Variants in MRTFA observed in about 807,000 individuals in gnomAD.
MRTFA encodes the protein myocardin-related transcription factor A.
MRTFA carries 20 observed loss-of-function variants against 83.5 expected under a neutral mutation model. The observed-to-expected ratio is 0.24, with a 90% CI of 0.17 to 0.35. The LOEUF (loss-of-function observed/expected upper bound fraction) is 0.35. Among genes scored for constraint, MRTFA ranks in the 10% least tolerant of loss-of-function variants. The probability of loss-of-function intolerance (pLI) is 1.00; values close to 1 mark genes in which losing one functional copy is unlikely to be tolerated. For synonymous variants in MRTFA, 659 were observed against 541.2 expected (o/e 1.22, Z -3.02); for missense variants, 1,200 against 1,224.7 (o/e 0.98, Z 0.30).
intron 1 of MRTFA, among the ~76,000 whole-genome samples, chr22:40,636,269 G>A (rs1028649472): frequency 6.6e-6 from 1 of 151,912 alleles, no homozygotes; most frequent in Non-Finnish European, 1.5e-5. Flanking sequence ...GCCCGGCCCG[G>A]GTCCCAGCCC....
intron 3 of MRTFA, among the ~76,000 whole-genome samples, chr22:40,469,650 A>G (rs756174565): frequency 4.6e-5 from 7 of 152,190 alleles, no homozygotes; most frequent in Admixed American, 1.3e-4. Flanking sequence ...CCACCTAACA[A>G]TGGCAGAATA....
Position 40,466,107 on chromosome 22 carries a change from G to C in MRTFA, c.242-2821C>G, listed in dbSNP as rs1028911411. Among the ~76,000 whole-genome samples, 4 of 152,074 alleles carry C rather than the reference G, an allele frequency of 2.6e-5. No individual in the cohort carries two copies. In the East Asian group the frequency reaches 7.7e-4, roughly 29 times the overall value. ...TATTCTCTGGTGAGACAGACAAAGGGGCTAAAACAGATGGTTCGACCAGAG... is the reference window on the plus strand; with the variant it reads ...TATTCTCTGGTGAGACAGACAAAGGCGCTAAAACAGATGGTTCGACCAGAG... On this transcript the variant is annotated intron_variant, in intron 3 of 14. Transcript: ENST00000355630.
At chr22:40,623,428 G>A (rs1436156091) in intron 1 of MRTFA, among the ~76,000 whole-genome samples, 1 of 151,610 alleles carries the variant, frequency 6.6e-6, no homozygotes, top group Non-Finnish European at 1.5e-5. Flanking sequence ...CCACTAACTC[G>A]TCATCTAGCA....
rs1267503478 is a variant in MRTFA at position 40,411,211 on chromosome 22, G to A, written c.*179C>T. ...CTTGACAGCTGCTCTCCTCTGCCCT[G>A]CGTGGCACTGAACCAGGAGTAAGGG... On this transcript the variant is annotated 3_prime_UTR_variant, in exon 15 of 15. Coordinates refer to ENST00000355630, the MANE Select transcript of MRTFA (RefSeq NM_020831.6). 6.5e-6 allele frequency: 4 copies of A among 614,614 alleles called. No individual in the cohort carries two copies. Among genetic ancestry groups the A allele is most frequent in the Non-Finnish European group, 1.1e-5 (4 of 375,526 alleles). 38.1% of individuals were successfully genotyped at this position (614,614 alleles called of 1,614,324 possible).
chr22:40,535,353 T>C (rs796626899), intron 3 of MRTFA, among the ~76,000 whole-genome samples: 5 of 131,414 alleles, frequency 3.8e-5, no homozygotes, highest in African/African-American at 1.6e-4. Flanking sequence ...TTTTTCTTTT[T>C]TTTTTTTTTT....
At chr22:40,422,463 A>AC (rs2052861402) in intron 9 of MRTFA, among the ~76,000 whole-genome samples, 1 of 152,242 alleles carries the variant, frequency 6.6e-6, no homozygotes, top group Admixed American at 6.5e-5. Flanking sequence ...ACCTGCTGAC[A>AC]GTGAGAAGAG....
chr22:40,593,365 GAACA>G (rs1264449753), intron 2 of MRTFA, among the ~76,000 whole-genome samples: 1 of 152,058 alleles, frequency 6.6e-6, no homozygotes, highest in South Asian at 2.1e-4. Context: ...TTCAGTAAAA[GAACA>G]TACATGAAAA....
intron 4 of MRTFA, among the ~76,000 whole-genome samples, chr22:40,456,704 A>G (rs1386408081): frequency 6.6e-6 from 1 of 152,058 alleles, no homozygotes; most frequent in Admixed American, 6.5e-5. Context: ...TATATAAACA[A>G]ATTTTAAAAA....
chr22:40,621,089 G>A (rs529387373), intron 1 of MRTFA, among the ~76,000 whole-genome samples: 2 of 151,970 alleles, frequency 1.3e-5, no homozygotes, highest in African/African-American at 4.8e-5. Flanking sequence ...GCTGAGGCAG[G>A]AGAATTGCTT....
intron 4 of MRTFA, among the ~76,000 whole-genome samples, chr22:40,437,142 A>G (rs73167039): frequency 0.12 from 18,364 of 152,170 alleles, 1,297 homozygotes; most frequent in East Asian, 0.24. Context: ...AACCAGTACA[A>G]GTTACCTCCC....
intron 2 of MRTFA, among the ~76,000 whole-genome samples, chr22:40,554,278 G>A (rs980156019): frequency 2.0e-5 from 3 of 152,162 alleles, no homozygotes; most frequent in Non-Finnish European, 2.9e-5. Flanking sequence ...GTGAAGACCT[G>A]TGATTTGGGA....
At chr22:40,444,889 G>A (rs749416066) in intron 4 of MRTFA, among the ~76,000 whole-genome samples, 10 of 152,104 alleles carry the variant, frequency 6.6e-5, no homozygotes, top group Admixed American at 3.9e-4. Context: ...GCAATGTGGC[G>A]GCACCCACTC....
intron 3 of MRTFA, chr22:40,521,927 T>G (rs566441651): frequency 6.6e-6 from 1 of 152,478 alleles, no homozygotes; most frequent in African/African-American, 2.4e-5. Flanking sequence ...CTCGGTTCAC[T>G]GCAACCTCCG....
intron 4 of MRTFA, among the ~76,000 whole-genome samples, chr22:40,445,532 T>TTTTTG (rs534211454): frequency 1.3e-4 from 20 of 152,104 alleles, no homozygotes; most frequent in Middle Eastern, 3.4e-3. Context: ...AAGGGGTTTT[T>TTTTTG]TTTTGTTTTG....
intron 3 of MRTFA, among the ~76,000 whole-genome samples, chr22:40,520,413 ATTT>A (rs545206207): frequency 6.8e-5 from 10 of 147,192 alleles, no homozygotes; most frequent in South Asian, 2.2e-4. Context: ...AAGGTTCATC[ATTT>A]TTTTTTTTAA....
intron 2 of MRTFA, chr22:40,587,323 A>G: frequency 2.2e-6 from 1 of 450,100 alleles, no homozygotes; most frequent in Non-Finnish European, 4.4e-6. Context: ...TGCTTACATT[A>G]AGCAGAATAA....
chr22:40,615,754 A>G (rs2056441822), intron 1 of MRTFA, among the ~76,000 whole-genome samples: 1 of 149,582 alleles, frequency 6.7e-6, no homozygotes, highest in Non-Finnish European at 1.5e-5. Flanking sequence ...GCATAATCTC[A>G]GCTCACTGCA....
In MRTFA at chr22:40,420,465, C is replaced by T; in HGVS notation, c.1293G>A (p.Gln431=). The change falls in exon 11 of 15, where the codon CAG becomes CAA. Residue 431 remains glutamine (Q), a synonymous_variant. Coordinates refer to ENST00000355630, the MANE Select transcript of MRTFA (RefSeq NM_020831.6). ...GCTTGCCAGTCAGTGAGGTGCTGTT[C>T]TGACGTGCCAGCCCACAGGGCCCAG... The T allele has an allele frequency of 6.2e-7, 1 of 1,613,784 alleles. No homozygotes were observed.
intron 4 of MRTFA, among the ~76,000 whole-genome samples, chr22:40,462,892 C>T (rs1347022933): frequency 1.3e-5 from 2 of 152,218 alleles, no homozygotes; most frequent in African/African-American, 2.4e-5. Flanking sequence ...GGCTCAAGAT[C>T]TGCCCCTCCT....
Sources: allele counts gnomAD v4.1 joint callset (sites outside exome capture counted in the v4.1 genomes callset), GRCh38; gene constraint gnomAD v4.1.1; transcripts MANE v1.5; gene names NCBI Gene and HGNC (gene_info 2026-07-23, HGNC 2026-07-21).